The following KCTD16 variants were observed in gnomAD, a reference collection of about 807,000 sequenced individuals.
KCTD16 encodes potassium channel tetramerization domain containing 16, also known as BTB/POZ domain-containing protein KCTD16.
In KCTD16, 13 loss-of-function variants were observed where a neutral mutation model predicts 33.2. The observed-to-expected ratio is 0.39, with a 90% CI of 0.25 to 0.62. The LOEUF (loss-of-function observed/expected upper bound fraction) is 0.62, where lower values mean the gene tolerates loss of function less well. KCTD16 is among the 20% of genes least tolerant of loss of function. The probability of loss-of-function intolerance (pLI) is 0.50; values close to 1 mark genes in which losing one functional copy is unlikely to be tolerated. For missense variants in KCTD16, 441 were observed against 525.1 expected (o/e 0.84, Z 1.57); for synonymous variants, 197 against 195.3 (o/e 1.01, Z -0.07).
chr5:144,282,716 A>C (rs781039782), intron 3 of KCTD16, among the ~76,000 whole-genome samples: 9 of 152,256 alleles, frequency 5.9e-5, no homozygotes, highest in Non-Finnish European at 1.2e-4. Context: ...CATTTTCCTC[A>C]TCCTGAGTCT....
At chr5:144,304,808 C>A (rs1561560736) in intron 3 of KCTD16, among the ~76,000 whole-genome samples, 1 of 152,152 alleles carries the variant, frequency 6.6e-6, no homozygotes, top group East Asian at 1.9e-4. Context: ...CTGTGCACTG[C>A]AGGTCTGTCA....
chr5:144,228,041 T>C (rs1753987457), intron 3 of KCTD16, among the ~76,000 whole-genome samples: 1 of 152,170 alleles, frequency 6.6e-6, no homozygotes, highest in Non-Finnish European at 1.5e-5. Flanking sequence ...GTTAGACATA[T>C]GGGTCTGTGA....
chr5:144,278,485 CTTTTT>C (rs1220359408), intron 3 of KCTD16, among the ~76,000 whole-genome samples: 9 of 89,974 alleles, frequency 1.0e-4, no homozygotes, highest in East Asian at 3.0e-4. Flanking sequence ...TGTTAGTCTT[CTTTTT>C]TTTTTTTTTT....
At chr5:144,460,044 G>A (rs2126991585) in intron 3 of KCTD16, among the ~76,000 whole-genome samples, 3 of 151,944 alleles carry the variant, frequency 2.0e-5, no homozygotes, top group Middle Eastern at 6.8e-3. Context: ...GTGTTAGCCA[G>A]GATGGTCTCG....
intron 3 of KCTD16, among the ~76,000 whole-genome samples, chr5:144,282,254 AG>A (rs1755627561): frequency 6.6e-6 from 1 of 152,170 alleles, no homozygotes. Flanking sequence ...AAAACCCAAA[AG>A]GACTGTTTGG....
intron 3 of KCTD16, among the ~76,000 whole-genome samples, chr5:144,337,761 A>AT (rs745382927): frequency 1.3e-5 from 2 of 152,054 alleles, no homozygotes; most frequent in East Asian, 1.9e-4. Context: ...TTCCATTACC[A>AT]TTTTTTTAGA....
At chr5:144,241,282 C>T (rs532588058) in intron 3 of KCTD16, among the ~76,000 whole-genome samples, 2 of 152,114 alleles carry the variant, frequency 1.3e-5, no homozygotes, top group African/African-American at 2.4e-5. Flanking sequence ...AAACATTTTT[C>T]AGAAGCATTG....
intron 3 of KCTD16, among the ~76,000 whole-genome samples, chr5:144,409,098 A>G (rs1408474515): frequency 6.6e-6 from 1 of 152,196 alleles, no homozygotes; most frequent in Non-Finnish European, 1.5e-5. Flanking sequence ...GTAAATGTTT[A>G]ATTAATACTA....
chr5:144,394,779 A>G (rs113664474), intron 3 of KCTD16, among the ~76,000 whole-genome samples: 1,891 of 152,180 alleles, frequency 0.012, 38 homozygotes, highest in African/African-American at 0.044. Context: ...CTTTCCCTTC[A>G]CCTTCTGCCA....
chr5:144,320,221 A>G (rs1752037064), intron 3 of KCTD16, among the ~76,000 whole-genome samples: 1 of 152,178 alleles, frequency 6.6e-6, no homozygotes, highest in Non-Finnish European at 1.5e-5. Context: ...ATTTAACACT[A>G]TGTACATTCT....
At chr5:144,227,937 G>A (rs1753984662) in intron 3 of KCTD16, among the ~76,000 whole-genome samples, 2 of 152,182 alleles carry the variant, frequency 1.3e-5, no homozygotes, top group South Asian at 4.1e-4. Flanking sequence ...GAAACCTGAG[G>A]AAAGATTGCC....
At chr5:144,350,489 A>C in intron 3 of KCTD16, among the ~76,000 whole-genome samples, 1 of 152,160 alleles carries the variant, frequency 6.6e-6, no homozygotes, top group East Asian at 1.9e-4. Context: ...TACATTAGTG[A>C]CTTTCCCCAA....
chr5:144,405,584 T>C (rs1255491669), intron 3 of KCTD16, among the ~76,000 whole-genome samples: 8 of 152,190 alleles, frequency 5.3e-5, no homozygotes, highest in African/African-American at 1.7e-4. Context: ...CTGTAACACA[T>C]GAGAAGCCTT....
intron 3 of KCTD16, among the ~76,000 whole-genome samples, chr5:144,374,208 T>C (rs1000876055): frequency 1.3e-5 from 2 of 152,206 alleles, no homozygotes; most frequent in Non-Finnish European, 2.9e-5. Context: ...ACCTGACAAA[T>C]ATTTCAAAAA....
chr5:144,466,685 A>C (rs1467358979), intron 3 of KCTD16, among the ~76,000 whole-genome samples: 1 of 151,862 alleles, frequency 6.6e-6, no homozygotes, highest in Non-Finnish European at 1.5e-5. Flanking sequence ...TCTGAGTTTT[A>C]ATTCTCACCA....
At chr5:144,230,642 T>TA (rs1188309549) in intron 3 of KCTD16, among the ~76,000 whole-genome samples, 1 of 152,202 alleles carries the variant, frequency 6.6e-6, no homozygotes, top group Non-Finnish European at 1.5e-5. Context: ...ATATAAGGTG[T>TA]AAATCTATGG....
At chr5:144,351,358 T>A (rs1162437974) in intron 3 of KCTD16, among the ~76,000 whole-genome samples, 1 of 152,172 alleles carries the variant, frequency 6.6e-6, no homozygotes, top group Non-Finnish European at 1.5e-5. Context: ...CAATGCAATA[T>A]CACATCGTAT....
chr5:144,441,044 G>T (rs1404296472), intron 3 of KCTD16, among the ~76,000 whole-genome samples: 6 of 152,028 alleles, frequency 3.9e-5, no homozygotes, highest in Admixed American at 2.6e-4. Flanking sequence ...AGTATTTTTT[G>T]ATGTGTTTAT....
chr5:144,335,097 ATT>A (rs1042970076), intron 3 of KCTD16, among the ~76,000 whole-genome samples: 44 of 152,164 alleles, frequency 2.9e-4, no homozygotes, highest in African/African-American at 9.4e-4. Flanking sequence ...TGTTTTCTTA[ATT>A]ATTTTTCTTG....
Sources: gnomAD v4.1 joint callset for allele counts (sites outside exome capture counted in the v4.1 genomes callset) on GRCh38, gnomAD v4.1.1 for gene constraint, MANE v1.5 for transcripts, NCBI Gene and HGNC (gene_info 2026-07-23, HGNC 2026-07-21) for gene names.